Variants in EXT2 observed in about 807,000 individuals in gnomAD.
EXT2 encodes the protein exostosin-2.
A neutral mutation model predicts 81.6 loss-of-function variants in EXT2; 53 were observed. The observed-to-expected ratio is 0.65, with a 90% CI of 0.52 to 0.82. The LOEUF (loss-of-function observed/expected upper bound fraction) is 0.82. Ranked by LOEUF, EXT2 falls within the 40% of genes least tolerant of loss-of-function variation. The pLI, the probability that EXT2 is intolerant of heterozygous loss-of-function variation, is 0.00. For missense variants in EXT2, 774 were observed against 910.2 expected (o/e 0.85, Z 1.93); for synonymous variants, 320 against 340.0 (o/e 0.94, Z 0.65).
At position 44,108,146 on chromosome 11, in the gene EXT2, A is replaced by G. The variant is rs1405684097; in HGVS notation, c.434A>G (p.Asp145Gly). The G allele has an allele frequency of 6.2e-7, 1 of 1,614,164 alleles. No individual in the cohort carries two copies. The highest frequency in any genetic ancestry group is 8.5e-7 in the Non-Finnish European group (1 of 1,180,034). The change falls in exon 2 of 14, where the codon GAT becomes GGT. Residue 145 changes from aspartate to glycine, a missense_variant. Physicochemically the swap from Asp to Gly is moderately conservative, Grantham distance 94. Coordinates refer to ENST00000533608, the MANE Select transcript of EXT2 (RefSeq NM_207122.2). ...ATCTCAGACAGTGACTACTACACTG[A>G]TGACATCAACCGGGCCTGTCTGTTT... is the stretch of plus-strand genomic sequence containing the variant. ...MAISDSDYYT[D>G]DINRACLFVP... is the part of the protein sequence containing the mutation.
chr11:44,149,539 C>T (rs1457170418), intron 7 of EXT2, among the ~76,000 whole-genome samples: 1 of 152,130 alleles, frequency 6.6e-6, no homozygotes, highest in Non-Finnish European at 1.5e-5. Flanking sequence ...ACGTATTGGA[C>T]CTTGAAAATA....
chr11:44,248,969 TTTG>T lies in EXT2; in HGVS notation c.*4685_*4687del, dbSNP rs1956118144. Among the ~76,000 whole-genome samples, 1 of 149,458 alleles carries T rather than the reference TTTG, an allele frequency of 6.7e-6. No homozygotes were observed. The highest frequency in any genetic ancestry group is 1.5e-5 in the Non-Finnish European group (1 of 67,942). On this transcript the variant is annotated 3_prime_UTR_variant, in exon 14 of 14. Coordinates refer to ENST00000533608, the MANE Select transcript of EXT2 (RefSeq NM_207122.2). ...TGCAACCATTTCAGGGTAGAGTTTTTTTGTTTGTTTGTTTGTTTGTTTTTGTTT... is the reference window on the plus strand; with the variant it reads ...TGCAACCATTTCAGGGTAGAGTTTTTTTTGTTTGTTTGTTTGTTTTTGTTT...
At chr11:44,136,221 C>G (rs1954564170) in intron 7 of EXT2, among the ~76,000 whole-genome samples, 1 of 152,180 alleles carries the variant, frequency 6.6e-6, no homozygotes, top group Admixed American at 6.5e-5. Context: ...CTGTCTGTGT[C>G]AATTTCTCCC....
intron 7 of EXT2, among the ~76,000 whole-genome samples, chr11:44,159,699 T>C (rs1290147125): frequency 1.3e-5 from 2 of 152,336 alleles, no homozygotes; most frequent in East Asian, 3.9e-4. Flanking sequence ...ATATGCCTTG[T>C]AATTTTTTGT....
At chr11:44,167,676 G>A (rs1053678585) in intron 7 of EXT2, among the ~76,000 whole-genome samples, 2 of 151,404 alleles carry the variant, frequency 1.3e-5, no homozygotes, top group South Asian at 4.3e-4. Flanking sequence ...TAAGAAGTGT[G>A]CTAAAATTGA....
In EXT2 at chr11:44,158,172, G is replaced by A. The variant is rs529166624; in HGVS notation, c.1174-13439G>A. On this transcript the variant is annotated intron_variant, in intron 7 of 13. Coordinates refer to ENST00000533608, the MANE Select transcript of EXT2 (RefSeq NM_207122.2). ...GGAGCTGTGAGCTGCACTGCCTGAG[G>A]TTGGGGGAGCAGTGACACAAGCACC... 5.3e-5 allele frequency among the ~76,000 whole-genome samples: 8 copies of A among 152,352 alleles called. No individual in the cohort carries two copies. In the East Asian group the frequency reaches 1.2e-3, roughly 22 times the overall value.
Position 44,247,578 on chromosome 11 carries a change from A to C in EXT2, c.*3291A>C, listed in dbSNP as rs76106878. ...CTGTATCCTTTACTCAGTGTCATCAAGTTCAAAGCTCTGACCACCCTGGTT... is the reference window on the plus strand; with the variant it reads ...CTGTATCCTTTACTCAGTGTCATCACGTTCAAAGCTCTGACCACCCTGGTT... On this transcript the variant is annotated 3_prime_UTR_variant, in exon 14 of 14. Transcript: ENST00000533608. Among the ~76,000 whole-genome samples, 4 of 152,126 alleles carry C rather than the reference A, an allele frequency of 2.6e-5. No individual in the cohort carries two copies. The South Asian group carries it at 8.3e-4, about 32-fold the overall frequency.
At chr11:44,106,723 G>C (rs1300503087) in intron 1 of EXT2, among the ~76,000 whole-genome samples, 12 of 152,098 alleles carry the variant, frequency 7.9e-5, no homozygotes, top group African/African-American at 2.9e-4. Context: ...TCCACCTCCT[G>C]GATTCAAGCA....
intron 8 of EXT2, among the ~76,000 whole-genome samples, chr11:44,173,963 T>C (rs1237640434): frequency 6.6e-6 from 1 of 152,176 alleles, no homozygotes; most frequent in Non-Finnish European, 1.5e-5. Flanking sequence ...AACTAAGAAA[T>C]TGCTTGAAGA....
chr11:44,207,107 G>T (rs1955592802), intron 10 of EXT2, 148 bp downstream of exon 10: 2 of 895,002 alleles, frequency 2.2e-6, no homozygotes, highest in Non-Finnish European at 3.4e-6. Context: ...GCGTAAGAGT[G>T]TGGGTTATGA....
At chr11:44,126,469 G>C (rs1954405797) in intron 5 of EXT2, among the ~76,000 whole-genome samples, 1 of 152,082 alleles carries the variant, frequency 6.6e-6, no homozygotes, top group African/African-American at 2.4e-5. Flanking sequence ...AGTGTGCCGT[G>C]GTGTGTTTAC....
At chr11:44,243,101 T>C (rs552751912) in intron 13 of EXT2, among the ~76,000 whole-genome samples, 2 of 152,316 alleles carry the variant, frequency 1.3e-5, no homozygotes, top group Non-Finnish European at 2.9e-5. Flanking sequence ...AGAAACATAA[T>C]GACCAAGAGA....
intron 8 of EXT2, among the ~76,000 whole-genome samples, chr11:44,185,977 C>A (rs974022254): frequency 6.6e-6 from 1 of 152,224 alleles, no homozygotes; most frequent in African/African-American, 2.4e-5. Context: ...TATAAGCCAT[C>A]ATGAACATTG....
At chr11:44,107,603 A>AAAAC (rs1590546813) in intron 1 of EXT2, 80 bp from the exon 2 acceptor site, 3 of 1,373,298 alleles carry the variant, frequency 2.2e-6, no homozygotes, top group East Asian at 4.6e-5. Context: ...CAAAACAAAA[A>AAAAC]AAAAGGTTGA....
At chr11:44,145,872 A>C (rs2135068965) in intron 7 of EXT2, among the ~76,000 whole-genome samples, 1 of 152,376 alleles carries the variant, frequency 6.6e-6, no homozygotes, top group African/African-American at 2.4e-5. Context: ...AGAGCTGTAC[A>C]AGCCATGGTT....
intron 10 of EXT2, among the ~76,000 whole-genome samples, chr11:44,207,828 G>A (rs1955601468): frequency 6.6e-6 from 1 of 151,964 alleles, no homozygotes; most frequent in African/African-American, 2.4e-5. Context: ...TAAATTGAAG[G>A]TGGATTTTAA....
intron 10 of EXT2, among the ~76,000 whole-genome samples, chr11:44,223,950 C>T (rs915276658): frequency 1.1e-3 from 170 of 152,138 alleles, no homozygotes; most frequent in African/African-American, 4.1e-3. Flanking sequence ...TGCACCTGGC[C>T]CGACAATTGT....
chr11:44,208,858 G>T (rs1202865564), intron 10 of EXT2, among the ~76,000 whole-genome samples: 1 of 152,206 alleles, frequency 6.6e-6, no homozygotes, highest in Non-Finnish European at 1.5e-5. Context: ...CTTCCCTGAG[G>T]ATTTTACTGT....
intron 1 of EXT2, chr11:44,103,547 G>A (rs1044429574): frequency 5.3e-5 from 19 of 355,608 alleles, no homozygotes; most frequent in Non-Finnish European, 9.5e-5. Flanking sequence ...ACTGAGCTTT[G>A]AAGTGTTTCC....
Sources: gnomAD v4.1 joint callset for allele counts (sites outside exome capture counted in the v4.1 genomes callset) on GRCh38, gnomAD v4.1.1 for gene constraint, MANE v1.5 for transcripts, NCBI Gene and HGNC (gene_info 2026-07-23, HGNC 2026-07-21) for gene names.